Variants in WDR36 observed in about 807,000 individuals in gnomAD.
The protein encoded by WDR36 is WD repeat-containing protein 36.
In WDR36, 63 loss-of-function variants were observed where a neutral mutation model predicts 112.7. The observed-to-expected ratio is 0.56, with a 90% confidence interval of 0.46 to 0.69. The LOEUF (loss-of-function observed/expected upper bound fraction) is 0.69. Ranked by LOEUF, WDR36 falls within the 30% of genes least tolerant of loss-of-function variation. The pLI is 0.00. For synonymous variants in WDR36, 410 were observed against 362.2 expected (o/e 1.13, Z -1.50); for missense variants, 1,226 against 1,070.3 (o/e 1.15, Z -2.03).
intron 1 of WDR36, among the ~76,000 whole-genome samples, chr5:111,092,894 T>C (rs1456237744): frequency 6.6e-6 from 1 of 152,266 alleles, no homozygotes; most frequent in African/African-American, 2.4e-5. Flanking sequence ...TGAATATTTA[T>C]TGACCTTCCC....
Position 111,118,825 on chromosome 5 carries a change from T to C in WDR36, c.1797-188T>C, listed in dbSNP as rs1007075111. Among the ~76,000 whole-genome samples, 6 of 152,188 alleles carry C rather than the reference T, an allele frequency of 3.9e-5. No individual in the cohort carries two copies. In the East Asian group the frequency reaches 1.2e-3, roughly 29 times the overall value. ...TTGTCTTTCTCATTAAGTGAGATTATTTTCACATAGTAACTTAGTTAACAA... is the reference window on the plus strand; with the variant it reads ...TTGTCTTTCTCATTAAGTGAGATTACTTTCACATAGTAACTTAGTTAACAA... On this transcript the variant is annotated intron_variant, in intron 16 of 22. Coordinates refer to ENST00000513710, the MANE Select transcript of WDR36 (RefSeq NM_139281.3).
intron 15 of WDR36, 22 bp from the exon 16 acceptor site, chr5:111,113,052 A>ATATATATATATTTTTT (rs35527062): frequency 2.2e-6 from 1 of 455,806 alleles, no homozygotes; most frequent in African/African-American, 2.6e-5. Flanking sequence ...ATATATATAT[A>ATATATATATATTTTTT]TTTTTTTTTT....
chr5:111,100,202 A>G (rs997840310), intron 4 of WDR36, among the ~76,000 whole-genome samples: 1 of 152,006 alleles, frequency 6.6e-6, no homozygotes, highest in Non-Finnish European at 1.5e-5. Flanking sequence ...GTTCCCTGAA[A>G]GAGCTAAGTA....
intron 7 of WDR36, 22 bp from the exon 8 acceptor site, chr5:111,104,155 A>G (rs1348411953): frequency 1.3e-6 from 2 of 1,597,030 alleles, no homozygotes; most frequent in Non-Finnish European, 1.7e-6. Flanking sequence ...ATTTTTCTTA[A>G]TGTATTTTAT....
intron 12 of WDR36, among the ~76,000 whole-genome samples, chr5:111,108,175 A>G (rs1753256755): frequency 6.6e-6 from 1 of 151,270 alleles, no homozygotes; most frequent in African/African-American, 2.4e-5. Flanking sequence ...TATAAGTCTT[A>G]CACTTCTTTG....
chr5:111,124,845 C>G lies in WDR36; in HGVS notation c.2350+656C>G, dbSNP rs376956906. Among the ~76,000 whole-genome samples the G allele has an allele frequency of 5.3e-5, 8 of 152,036 alleles. No homozygotes were observed. In the East Asian group the frequency reaches 9.7e-4, roughly 18 times the overall value. On this transcript the variant is annotated intron_variant, in intron 21 of 22. Coordinates refer to ENST00000513710, the MANE Select transcript of WDR36 (RefSeq NM_139281.3). ...AAGTCAGAGAATGATACTGATGAGC[C>G]CTTGTAAATGACTTGTTATGTTTAT...
At chr5:111,101,574 T>G (rs1237219502) in intron 5 of WDR36, among the ~76,000 whole-genome samples, 1 of 151,920 alleles carries the variant, frequency 6.6e-6, no homozygotes, top group African/African-American at 2.4e-5. Context: ...TTCTATCCAT[T>G]ATGTAAACAT....
At chr5:111,121,219 C>T (rs1206645178) in intron 19 of WDR36, 78 bp downstream of exon 19, 1 of 1,521,718 alleles carries the variant, frequency 6.6e-7, no homozygotes, top group Non-Finnish European at 9.1e-7. Flanking sequence ...GAGAACTTCT[C>T]CTACATTGAG....
chr5:111,106,082 A>G lies in WDR36; in HGVS notation c.1119A>G (p.Lys373=). 6.2e-7 allele frequency: 1 copy of G among 1,609,824 alleles called. No individual in the cohort carries two copies. The highest frequency in any genetic ancestry group is 8.5e-7 in the Non-Finnish European group (1 of 1,176,896). The change falls in exon 11 of 23, where the codon AAA becomes AAG. Residue 373 remains lysine (K), a synonymous_variant. Coordinates refer to ENST00000513710, the MANE Select transcript of WDR36 (RefSeq NM_139281.3). The part of the protein sequence containing the change: ...GHGLINKKRV[K]RKGLQNTMSV... The stretch of plus-strand genomic sequence containing the variant: ...GATTAATAAATAAAAAGAGAGTTAA[A>G]CGTAAAGGACTTCAGAATACCATGT...
At chr5:111,120,161 G>T (rs1291211782) in intron 17 of WDR36, among the ~76,000 whole-genome samples, 1 of 152,006 alleles carries the variant, frequency 6.6e-6, no homozygotes, top group Non-Finnish European at 1.5e-5. Context: ...TACTCTCTGA[G>T]TTCATCTTTC....
chr5:111,126,133 A>G (rs781043022), intron 22 of WDR36, among the ~76,000 whole-genome samples: 1 of 151,952 alleles, frequency 6.6e-6, no homozygotes, highest in African/African-American at 2.4e-5. Flanking sequence ...TTTTTATGCT[A>G]TCTGCTTGAT....
rs1258940158 is a variant in WDR36 at position 111,100,593 on chromosome 5, A to C, written c.414A>C (p.Glu138Asp). Residue 138 changes from glutamate to aspartate, a missense_variant, in exon 5 of 23, where the codon GAA (glutamate) becomes GAC (aspartate). Glu to Asp is a conservative substitution (Grantham distance 45). Transcript: ENST00000513710. ...TTATAACTTTCACTTTTGTAGAAGAATACCTGCAGTTGACTTTTGATAAAT... is the reference window on the plus strand; with the variant it reads ...TTATAACTTTCACTTTTGTAGAAGACTACCTGCAGTTGACTTTTGATAAAT... ...LIIWHIYSEE[E>D]YLQLTFDKSV... 1.3e-6 allele frequency: 2 copies of C among 1,558,352 alleles called. No individual in the cohort carries two copies. Among genetic ancestry groups the C allele is most frequent in the Non-Finnish European group, 1.8e-6 (2 of 1,142,714 alleles).
At position 111,104,809 on chromosome 5, in the gene WDR36, T is replaced by G; in HGVS notation, c.1019T>G (p.Leu340Arg). The G allele has an allele frequency of 6.2e-7, 1 of 1,611,032 alleles. No homozygotes were observed. The highest frequency in any genetic ancestry group is 8.5e-7 in the Non-Finnish European group (1 of 1,177,664). The part of the protein sequence containing the change: ...RYYGQNGQQI[L>R]SASQDGTLQS... ...TATGGACAGAATGGACAGCAGATTC[T>G]AAGTGCAAGTGAGCTTCTGCTTCAT... is the stretch of plus-strand genomic sequence containing the variant. Residue 340 changes from leucine to arginine, a missense_variant, in exon 9 of 23, where the codon CTA becomes CGA. Transcript: ENST00000513710.
At position 111,104,818 on chromosome 5, in the gene WDR36, G is replaced by A. The variant is rs760936899; in HGVS notation, c.1027+1G>A. On this transcript the variant is annotated splice_donor_variant, in intron 9 of 22. Coordinates refer to ENST00000513710, the MANE Select transcript of WDR36 (RefSeq NM_139281.3). LOFTEE classifies it high-confidence loss of function. ...AATGGACAGCAGATTCTAAGTGCAA[G>A]TGAGCTTCTGCTTCATACTATTAGT... 1.2e-6 allele frequency: 2 copies of A among 1,610,762 alleles called. No individual in the cohort carries two copies. Among genetic ancestry groups the A allele is most frequent in the South Asian group, 2.2e-5 (2 of 91,044 alleles).
intron 16 of WDR36, among the ~76,000 whole-genome samples, chr5:111,117,608 A>T (rs1050087262): frequency 1.3e-5 from 2 of 152,178 alleles, no homozygotes; most frequent in African/African-American, 2.4e-5. Flanking sequence ...CGAGTTTTCA[A>T]ATCTTACTGG....
At position 111,123,829 on chromosome 5, in the gene WDR36, C is replaced by T. The variant is rs1753619363; in HGVS notation, c.2173C>T (p.Pro725Ser). ...GAAAAAGAATAAACCAAAGGAACCA[C>T]CCAAAGTACCCAAATCAGCACCATT... ...IKKKNKPKEP[P>S]KVPKSAPFFI... The change falls in exon 20 of 23, where the codon CCC becomes TCC. Residue 725 changes from proline to serine, a missense_variant. Coordinates refer to ENST00000513710, the MANE Select transcript of WDR36 (RefSeq NM_139281.3). 3.7e-6 allele frequency: 6 copies of T among 1,613,682 alleles called. No homozygotes were observed. Among genetic ancestry groups the T allele is most frequent in the East Asian group, 2.2e-5 (1 of 44,854 alleles).
rs771331443 is a variant in WDR36 at position 111,092,410 on chromosome 5, G to A, written c.-47G>A. On this transcript the variant is annotated 5_prime_UTR_variant, in exon 1 of 23. Transcript: ENST00000513710. Reference sequence around the variant, plus strand: ...GACACGCTGAAGGGACTGGGTACGTGTTTTCCTTCAGGACCAGAGCTGAGA... The same window carrying A: ...GACACGCTGAAGGGACTGGGTACGTATTTTCCTTCAGGACCAGAGCTGAGA... 7 of 1,614,124 alleles carry A rather than the reference G, an allele frequency of 4.3e-6. No homozygotes were observed. The African/African-American group carries it at 9.3e-5, about 22-fold the overall frequency.
rs1753732619 is a variant in WDR36, at chr5:111,129,013, T to G, written c.*2130T>G. On this transcript the variant is annotated 3_prime_UTR_variant, in exon 23 of 23. Coordinates refer to ENST00000513710, the MANE Select transcript of WDR36 (RefSeq NM_139281.3). ...ATCTACAGCCACAGGAAATGTATAG[T>G]TACGATTTTTACATACGTGTATGTA... 1.0e-5 allele frequency: 2 copies of G among 194,084 alleles called. No individual in the cohort carries two copies. Among genetic ancestry groups the G allele is most frequent in the Non-Finnish European group, 2.1e-5 (2 of 93,186 alleles). The allele number at this position is 194,084 out of a possible 1,614,324, so 12.0% of individuals were successfully genotyped here.
Position 111,114,378 on chromosome 5 carries a change from C to G in WDR36, c.1796+1225C>G, listed in dbSNP as rs890271981. On this transcript the variant is annotated intron_variant, in intron 16 of 22. Coordinates refer to ENST00000513710, the MANE Select transcript of WDR36 (RefSeq NM_139281.3). The stretch of plus-strand genomic sequence containing the variant: ...TCCCAAATTAAGCTCTGTTCACTTC[C>G]TCTTCCTACTCAGGAATTGGATAAG... Among the ~76,000 whole-genome samples the G allele has an allele frequency of 5.3e-5, 8 of 152,304 alleles. No homozygotes were observed. In the East Asian group the frequency reaches 1.3e-3, roughly 26 times the overall value.
Sources: allele counts gnomAD v4.1 joint callset (sites outside exome capture counted in the v4.1 genomes callset), GRCh38; gene constraint gnomAD v4.1.1; transcripts MANE v1.5; gene names NCBI Gene and HGNC (gene_info 2026-07-23, HGNC 2026-07-21).